The following RCSD1 variants were observed in gnomAD, a reference collection of about 807,000 sequenced individuals.
RCSD1 encodes RCSD domain containing 1.
In RCSD1, 26 loss-of-function variants were observed where a neutral mutation model predicts 42.5. The ratio of observed to expected loss-of-function variants is 0.61; its 90% confidence interval spans 0.45 to 0.85. RCSD1 has a LOEUF of 0.85. RCSD1 is among the 40% of genes least tolerant of loss of function. The pLI is 0.00. For synonymous variants in RCSD1, 220 were observed against 212.2 expected (o/e 1.04, Z -0.32); for missense variants, 571 against 528.3 (o/e 1.08, Z -0.79).
chr1:167,648,487 T>C (rs1417514645), intron 1 of RCSD1, among the ~76,000 whole-genome samples: 1 of 152,178 alleles, frequency 6.6e-6, no homozygotes, highest in Non-Finnish European at 1.5e-5. Flanking sequence ...GTAGGAGACA[T>C]GAGGTGAGAG....
chr1:167,665,961 G>A (rs1440450000), intron 1 of RCSD1, among the ~76,000 whole-genome samples: 1 of 152,128 alleles, frequency 6.6e-6, no homozygotes, highest in Non-Finnish European at 1.5e-5. Context: ...ACAGGCGTGT[G>A]CCACCACACC....
At chr1:167,632,889 T>A (rs558045275) in intron 1 of RCSD1, among the ~76,000 whole-genome samples, 1 of 152,302 alleles carries the variant, frequency 6.6e-6, no homozygotes, top group East Asian at 1.9e-4. Flanking sequence ...AGCCAGGAAG[T>A]AAACTTTTCA....
chr1:167,647,376 C>T (rs1417537835), intron 1 of RCSD1, among the ~76,000 whole-genome samples: 1 of 151,464 alleles, frequency 6.6e-6, no homozygotes, highest in African/African-American at 2.4e-5. Flanking sequence ...ACTACTTGAG[C>T]CCAGGAGTTC....
At chr1:167,674,296 T>G (rs1658886458) in intron 1 of RCSD1, among the ~76,000 whole-genome samples, 1 of 152,170 alleles carries the variant, frequency 6.6e-6, no homozygotes, top group African/African-American at 2.4e-5. Flanking sequence ...TGTCTGCAGC[T>G]GCAAGGCATG....
chr1:167,647,876 T>G (rs1437654886), intron 1 of RCSD1, among the ~76,000 whole-genome samples: 1 of 152,240 alleles, frequency 6.6e-6, no homozygotes, highest in African/African-American at 2.4e-5. Flanking sequence ...AAGCTAATCT[T>G]AAATATTTTA....
chr1:167,649,405 T>G (rs141754372), intron 1 of RCSD1, among the ~76,000 whole-genome samples: 1 of 152,336 alleles, frequency 6.6e-6, no homozygotes, highest in African/African-American at 2.4e-5. Context: ...GACACTGTTA[T>G]TTGTATAACA....
intron 1 of RCSD1, among the ~76,000 whole-genome samples, chr1:167,659,921 T>C (rs943009463): frequency 6.6e-6 from 1 of 152,146 alleles, no homozygotes; most frequent in East Asian, 1.9e-4. Flanking sequence ...CACCCTTCCC[T>C]GGACATTGAA....
intron 2 of RCSD1, 133 bp from the exon 3 acceptor site, chr1:167,685,288 C>T (rs947089442): frequency 1.2e-5 from 7 of 607,428 alleles, no homozygotes; most frequent in African/African-American, 9.6e-5. Context: ...TATTCCTACA[C>T]TTCCCTAACA....
intron 1 of RCSD1, among the ~76,000 whole-genome samples, chr1:167,681,506 G>T (rs1659081056): frequency 6.6e-6 from 1 of 152,178 alleles, no homozygotes; most frequent in Non-Finnish European, 1.5e-5. Flanking sequence ...CTTCAACCCA[G>T]CTTTTAAGCC....
intron 1 of RCSD1, among the ~76,000 whole-genome samples, chr1:167,678,543 C>T (rs565628793): frequency 1.6e-4 from 24 of 152,224 alleles, no homozygotes; most frequent in African/African-American, 4.8e-4. Context: ...CCTTCAAATC[C>T]CATCCCCCTG....
At chr1:167,634,935 G>A (rs1342433478) in intron 1 of RCSD1, among the ~76,000 whole-genome samples, 2 of 99,934 alleles carry the variant, frequency 2.0e-5, no homozygotes, top group African/African-American at 6.8e-5. Context: ...GTATTACTAT[G>A]ATGAGAGTGT....
At chr1:167,673,761 G>A (rs1227090151) in intron 1 of RCSD1, among the ~76,000 whole-genome samples, 1 of 152,100 alleles carries the variant, frequency 6.6e-6, no homozygotes, top group Admixed American at 6.5e-5. Context: ...TAGACATCAT[G>A]CCCTTCCATG....
intron 3 of RCSD1, 35 bp from the exon 4 acceptor site, chr1:167,690,014 A>T: frequency 6.2e-7 from 1 of 1,607,554 alleles, no homozygotes; most frequent in East Asian, 2.2e-5. Flanking sequence ...TCCTCACCTT[A>T]CTTATCTGGT....
intron 1 of RCSD1, among the ~76,000 whole-genome samples, chr1:167,659,790 T>A (rs974768977): frequency 1.3e-5 from 2 of 152,166 alleles, no homozygotes; most frequent in African/African-American, 4.8e-5. Flanking sequence ...CTCAGCTCTC[T>A]TCTATATTTT....
At chr1:167,701,252 GTTTCTTTCTTTCTTTCTTTCTTTC>G (rs11446259) in intron 6 of RCSD1, among the ~76,000 whole-genome samples, 150 of 96,142 alleles carry the variant, frequency 1.6e-3, no homozygotes, top group African/African-American at 5.1e-3. Flanking sequence ...CAATTGCCTA[GTTTCTTTCTTTCTTTCTTTCTTTC>G]TTTCTTTCTT....
At chr1:167,670,924 T>C (rs1011084827) in intron 1 of RCSD1, among the ~76,000 whole-genome samples, 2 of 152,170 alleles carry the variant, frequency 1.3e-5, no homozygotes, top group Non-Finnish European at 2.9e-5. Context: ...TCATCCTCTC[T>C]AGTTTTAAAG....
chr1:167,702,450 C>T (rs1341470489), intron 6 of RCSD1, among the ~76,000 whole-genome samples: 1 of 152,202 alleles, frequency 6.6e-6, no homozygotes, highest in African/African-American at 2.4e-5. Context: ...AAAGAGGGCA[C>T]AGAATCAGAT....
chr1:167,696,076 C>G (rs985655756), intron 5 of RCSD1, among the ~76,000 whole-genome samples: 1 of 151,948 alleles, frequency 6.6e-6, no homozygotes, highest in Non-Finnish European at 1.5e-5. Context: ...GCCAACTTCA[C>G]GGGGGCAGGA....
At chr1:167,689,919 G>A (rs1659334619) in intron 3 of RCSD1, 130 bp from the exon 4 acceptor site, 1 of 785,196 alleles carries the variant, frequency 1.3e-6, no homozygotes, top group Admixed American at 2.2e-5. Context: ...AAGTATGTGG[G>A]CTACTGAACT....
Sources: allele counts gnomAD v4.1 joint callset (sites outside exome capture counted in the v4.1 genomes callset), GRCh38; gene constraint gnomAD v4.1.1; transcripts MANE v1.5; gene names NCBI Gene and HGNC (gene_info 2026-07-23, HGNC 2026-07-21).